C12orf43: variants seen among roughly 807,000 people sequenced by gnomAD.
The protein encoded by C12orf43 is protein CUSTOS.
In C12orf43, 15 loss-of-function variants were observed where a neutral mutation model predicts 20.6. The ratio of observed to expected loss-of-function variants is 0.73; its 90% CI spans 0.49 to 1.12. The LOEUF (loss-of-function observed/expected upper bound fraction) is 1.12. Among genes scored for constraint, C12orf43 ranks in the 50% most tolerant of loss-of-function variants. The pLI, the probability that C12orf43 is intolerant of heterozygous loss-of-function variation, is 0.00. For missense variants in C12orf43, 334 were observed against 344.4 expected, an observed-to-expected ratio of 0.97 and a Z score of 0.24; for synonymous variants, 144 against 130.8, an observed-to-expected ratio of 1.10 and a Z score of -0.69.
intron 3 of C12orf43, among the ~76,000 whole-genome samples, chr12:121,008,057 T>G (rs1878155980): frequency 6.6e-6 from 1 of 151,712 alleles, no homozygotes; most frequent in South Asian, 2.1e-4. Flanking sequence ...CCACGACAAA[T>G]GCTAGTCAAA....
intron 3 of C12orf43, among the ~76,000 whole-genome samples, chr12:121,009,298 A>T (rs1241273980): frequency 6.6e-6 from 1 of 152,108 alleles, no homozygotes; most frequent in Admixed American, 6.5e-5. Context: ...TACAAAAAAT[A>T]CAAAAAATTA....
rs1477284415 is a variant in C12orf43 at position 121,002,099 on chromosome 12, T to C, written c.*2054A>G. 1 of 534,330 alleles carries C rather than the reference T, an allele frequency of 1.9e-6. No individual in the cohort carries two copies. The highest frequency in any genetic ancestry group is 1.5e-5 in the South Asian group (1 of 64,998). The allele number at this position is 534,330 out of a possible 1,614,324, so 33.1% of individuals were successfully genotyped here. A position where few individuals can be genotyped will look rare whatever the true frequency, so the allele number is the denominator to read the frequency against. ...TGCCCTTGTTTGGGGCAGGAGTAGC[T>C]GAGCTCACAAGGCAGCAAGGCCCGA... On this transcript the variant is annotated 3_prime_UTR_variant, in exon 6 of 6. Transcript: ENST00000288757.
chr12:121,004,506 G>A lies in C12orf43; in HGVS notation c.453-17C>T, dbSNP rs780280802. 6.4e-7 allele frequency: 1 copy of A among 1,572,684 alleles called. No individual in the cohort carries two copies. The highest frequency in any genetic ancestry group is 1.8e-5 in the Admixed American group (1 of 56,378). On this transcript the variant is annotated splice_polypyrimidine_tract_variant and intron_variant, in intron 5 of 5. Coordinates refer to ENST00000288757, the MANE Select transcript of C12orf43 (RefSeq NM_022895.3). This position sits in a 1 kb window ranked among gnomAD's most constrained non-coding sequence, Gnocchi z 5.6. ...CTGTCCTCACTGCTGCAACGAGAGG[G>A]TACCCTGGGTTAGCTGGAGTCAGGA...
intron 3 of C12orf43, among the ~76,000 whole-genome samples, chr12:121,009,188 G>A (rs1355818922): frequency 6.6e-6 from 1 of 152,138 alleles, no homozygotes; most frequent in African/African-American, 2.4e-5. Context: ...CCTTACACCT[G>A]CAATCCCAGC....
rs756637550 is a variant in C12orf43, at chr12:121,004,302, T to A, written c.640A>T (p.Ser214Cys). Residue 214 changes from serine (S) to cysteine (C), a missense_variant, in exon 6 of 6, where the codon AGC (serine) becomes TGC (cysteine). Coordinates refer to ENST00000288757, the MANE Select transcript of C12orf43 (RefSeq NM_022895.3). This position sits in a 1 kb window ranked among gnomAD's most constrained non-coding sequence, Gnocchi z 5.6. ...DSAVAATTPT[S>C]MATVQKQKSG... is the part of the protein sequence containing the mutation. The stretch of plus-strand genomic sequence containing the variant: ...TTCTGCTTCTGGACTGTGGCCATGC[T>A]GGTGGGGGTGGTGGCAGCGACAGCC... The A allele has an allele frequency of 1.2e-6, 2 of 1,614,110 alleles. No individual in the cohort carries two copies. The highest frequency in any genetic ancestry group is 2.2e-5 in the South Asian group (2 of 91,090).
At chr12:121,014,482 T>A (rs1327810004) in intron 1 of C12orf43, among the ~76,000 whole-genome samples, 1 of 149,608 alleles carries the variant, frequency 6.7e-6, no homozygotes, top group East Asian at 2.0e-4. Flanking sequence ...TACAAAAAAT[T>A]AGCTGGGCGT....
rs78281545 is a variant in C12orf43, at chr12:121,004,100, G to C, written c.*53C>G. The stretch of plus-strand genomic sequence containing the variant: ...CTTGGAAATGCCTTGTCCCCAGGGT[G>C]GGGGGGACACCTTGTCCTTGGAGCT... On this transcript the variant is annotated 3_prime_UTR_variant, in exon 6 of 6. Coordinates refer to ENST00000288757, the MANE Select transcript of C12orf43 (RefSeq NM_022895.3). This position sits in a 1 kb window ranked among gnomAD's most constrained non-coding sequence, Gnocchi z 5.6. 259 of 1,553,042 alleles carry C rather than the reference G, an allele frequency of 1.7e-4. No homozygotes were observed. The South Asian group carries it at 1.8e-3, about 11-fold the overall frequency.
rs555715367 is a variant in C12orf43 at position 121,004,417 on chromosome 12, T to C, written c.525A>G (p.Ser175=). The C allele has an allele frequency of 6.2e-7, 1 of 1,613,980 alleles. No homozygotes were observed. Among genetic ancestry groups the C allele is most frequent in the Non-Finnish European group, 8.5e-7 (1 of 1,180,018 alleles). Residue 175 remains serine (S), a synonymous_variant, in exon 6 of 6, where the codon TCA becomes TCG. Coordinates refer to ENST00000288757, the MANE Select transcript of C12orf43 (RefSeq NM_022895.3). The surrounding 1 kb of genome is among the most constrained non-coding windows in gnomAD (Gnocchi z 5.6). ...CCACTGTTCCAGGGCTGTGGATGGCTGACTCCTGTAGGATGTCGGACGCCG... is the reference window on the plus strand; with the variant it reads ...CCACTGTTCCAGGGCTGTGGATGGCCGACTCCTGTAGGATGTCGGACGCCG... ...AVSASDILQE[S]AIHSPGTVEK...
At chr12:121,011,420 TAAAA>T (rs1012026465) in intron 1 of C12orf43, among the ~76,000 whole-genome samples, 1 of 148,034 alleles carries the variant, frequency 6.8e-6, no homozygotes, top group African/African-American at 2.5e-5. Flanking sequence ...TTATATAACT[TAAAA>T]TATATATATA....
At chr12:121,011,188 T>C in intron 1 of C12orf43, 42 bp from the exon 2 acceptor site, 1 of 1,579,898 alleles carries the variant, frequency 6.3e-7, no homozygotes, top group Non-Finnish European at 8.7e-7. Context: ...GAGGAAACAA[T>C]GACAGCAACA....
At chr12:121,006,215 C>CAAAAAA (rs1491562908) in intron 4 of C12orf43, 106 bp downstream of exon 4, 2 of 933,782 alleles carry the variant, frequency 2.1e-6, no homozygotes, top group Non-Finnish European at 3.1e-6. Context: ...GTTCCTATCT[C>CAAAAAA]AAAAAAAGAA....
rs1329531199 is a variant in C12orf43 at position 121,016,421 on chromosome 12, G to T, written c.54C>A (p.Ser18Arg). ...GGCACCGCTCCAGCTCCTCCGCATC[G>T]CTACTGCTGTTACTACTTTCCGAAT... is the stretch of plus-strand genomic sequence containing the variant. ...VSDSESSNSS[S>R]DAEELERCRE... Residue 18 changes from serine (S) to arginine (R), a missense_variant, in exon 1 of 6, where the codon AGC (serine) becomes AGA (arginine). Physicochemically the swap from Ser to Arg is moderately radical, Grantham distance 110. Transcript: ENST00000288757. The T allele has an allele frequency of 6.2e-7, 1 of 1,613,994 alleles. No homozygotes were observed.
chr12:121,014,498 C>T (rs1273940665), intron 1 of C12orf43, among the ~76,000 whole-genome samples: 4 of 148,272 alleles, frequency 2.7e-5, no homozygotes, highest in African/African-American at 7.5e-5. Flanking sequence ...GGCGTGGTGG[C>T]AGGCGCCTGT....
Position 121,004,974 on chromosome 12 carries a change from G to A in C12orf43, c.452+29C>T, listed in dbSNP as rs1438353267. The A allele has an allele frequency of 1.4e-6, 2 of 1,472,950 alleles. No individual in the cohort carries two copies. The highest frequency in any genetic ancestry group is 1.8e-6 in the Non-Finnish European group (2 of 1,099,190). 91.2% of individuals were successfully genotyped at this position (1,472,950 alleles called of 1,614,324 possible). ...AAGACAGAAGAGGAGAAAAAAGGAG[G>A]GGACGTGAGGAGAGGTGTGAGTTCT... On this transcript the variant is annotated intron_variant, in intron 5 of 5. Coordinates refer to ENST00000288757, the MANE Select transcript of C12orf43 (RefSeq NM_022895.3). This position sits in a 1 kb window ranked among gnomAD's most constrained non-coding sequence, Gnocchi z 5.6.
chr12:121,008,824 G>A (rs996458168), intron 3 of C12orf43, among the ~76,000 whole-genome samples: 15 of 152,158 alleles, frequency 9.9e-5, no homozygotes, highest in Non-Finnish European at 2.1e-4. Flanking sequence ...ACCCTGCCAG[G>A]GCTCTGCCAG....
intron 3 of C12orf43, 158 bp from the exon 4 acceptor site, chr12:121,006,552 C>T (rs765765197): frequency 3.2e-5 from 21 of 651,958 alleles, no homozygotes; most frequent in Non-Finnish European, 5.2e-5. Context: ...TTATAACATG[C>T]TGACCAGCCT....
chr12:121,006,557 C>G, intron 3 of C12orf43, 163 bp from the exon 4 acceptor site: 1 of 632,804 alleles, frequency 1.6e-6, no homozygotes, highest in Non-Finnish European at 2.8e-6. Context: ...ACATGCTGAC[C>G]AGCCTCTGCC....
At chr12:121,009,212 G>A (rs1878249267) in intron 3 of C12orf43, among the ~76,000 whole-genome samples, 2 of 152,124 alleles carry the variant, frequency 1.3e-5, no homozygotes, top group Admixed American at 6.5e-5. Context: ...CTGGGAGGCC[G>A]AGCCGGTGGA....
rs776559764 is a variant in C12orf43 at position 121,016,312 on chromosome 12, C to T, written c.145+18G>A. The T allele has an allele frequency of 1.8e-5, 29 of 1,613,298 alleles. No individual in the cohort carries two copies. The highest frequency in any genetic ancestry group is 2.4e-5 in the Non-Finnish European group (28 of 1,180,000). ...ATCCCACGCCCCTCAGCCAGTCTCC[C>T]CAAACATAGTACCCTACCGGCTCTT... On this transcript the variant is annotated intron_variant, in intron 1 of 5. Coordinates refer to ENST00000288757, the MANE Select transcript of C12orf43 (RefSeq NM_022895.3).
Sources: allele counts gnomAD v4.1 joint callset (sites outside exome capture counted in the v4.1 genomes callset), GRCh38; gene constraint gnomAD v4.1.1; non-coding constraint Gnocchi (gnomAD v3.1); transcripts MANE v1.5; gene names NCBI Gene and HGNC (gene_info 2026-07-23, HGNC 2026-07-21).